The following CEP70 variants were observed in gnomAD, a reference collection of about 807,000 sequenced individuals.
CEP70 encodes the protein centrosomal protein 70.
In CEP70, 70 loss-of-function variants were observed where a neutral mutation model predicts 90.9. The ratio of observed to expected loss-of-function variants is 0.77; its 90% CI spans 0.64 to 0.94. CEP70 has a LOEUF of 0.94. CEP70 is among the 40% of genes least tolerant of loss of function. CEP70 has a pLI of 0.00. For synonymous variants in CEP70, 220 were observed against 228.3 expected (o/e 0.96, Z 0.33); for missense variants, 648 against 669.0 (o/e 0.97, Z 0.35).
rs770830737 is a variant in CEP70 at position 138,525,581 on chromosome 3, A to G, written c.870-17T>C. The G allele has an allele frequency of 8.5e-7, 1 of 1,182,280 alleles. No homozygotes were observed. The highest frequency in any genetic ancestry group is 2.8e-5 in the Admixed American group (1 of 35,814). 73.2% of individuals were successfully genotyped at this position (1,182,280 alleles called of 1,614,324 possible). ...TGCGTAGGCCTGTGGAAAATAAATA[A>G]TGATAAATTAATTCAATTTACTGAA... On this transcript the variant is annotated splice_polypyrimidine_tract_variant and intron_variant, in intron 10 of 17. Coordinates refer to ENST00000264982, the MANE Select transcript of CEP70 (RefSeq NM_024491.4).
At chr3:138,513,442 C>T (rs540300854) in intron 11 of CEP70, among the ~76,000 whole-genome samples, 1 of 152,224 alleles carries the variant, frequency 6.6e-6, no homozygotes, top group African/African-American at 2.4e-5. Context: ...TGACTCAGTA[C>T]TTTTCTACTC....
At position 138,532,569 on chromosome 3, in the gene CEP70, A is replaced by G. The variant is rs749866976; in HGVS notation, c.637T>C (p.Leu213=). 1 of 1,492,478 alleles carries G rather than the reference A, an allele frequency of 6.7e-7. No individual in the cohort carries two copies. Among genetic ancestry groups the G allele is most frequent in the East Asian group, 2.6e-5 (1 of 38,920 alleles). 92.5% of individuals were successfully genotyped at this position (1,492,478 alleles called of 1,614,324 possible). ...TCATAGTAATCAATTAGACAAAGCA[A>G]CCTAGAAAACAGAATATTGAATTAT... is the stretch of plus-strand genomic sequence containing the variant. ...RVPHTVLDRQ[L]LCLIDYYESK... Residue 213 remains leucine, a splice_region_variant and synonymous_variant, in exon 8 of 18, where the codon TTG becomes CTG. Transcript: ENST00000264982.
intron 11 of CEP70, among the ~76,000 whole-genome samples, chr3:138,512,833 T>TA (rs1019811720): frequency 4.6e-5 from 7 of 152,024 alleles, no homozygotes; most frequent in Admixed American, 6.6e-5. Context: ...AGGAACAAGT[T>TA]AAAAAAAAGG....
intron 6 of CEP70, among the ~76,000 whole-genome samples, chr3:138,564,876 G>T (rs1576855999): frequency 6.6e-6 from 1 of 152,080 alleles, no homozygotes; most frequent in Non-Finnish European, 1.5e-5. Flanking sequence ...GAAATAAAGG[G>T]TATTCAAATA....
At chr3:138,534,604 G>A (rs748915203) in intron 7 of CEP70, among the ~76,000 whole-genome samples, 1 of 152,206 alleles carries the variant, frequency 6.6e-6, no homozygotes, top group African/African-American at 2.4e-5. Flanking sequence ...GAGGAAGCAT[G>A]CAACACTGCC....
At chr3:138,544,883 C>T (rs560739575) in intron 6 of CEP70, among the ~76,000 whole-genome samples, 1 of 152,012 alleles carries the variant, frequency 6.6e-6, no homozygotes, top group South Asian at 2.1e-4. Flanking sequence ...GAGAGCAAAA[C>T]AGTGGTTAAC....
Position 138,505,473 on chromosome 3 carries a change from A to T in CEP70, c.1051-8T>A. The T allele has an allele frequency of 5.1e-6, 8 of 1,560,986 alleles. No homozygotes were observed. Among genetic ancestry groups the T allele is most frequent in the Non-Finnish European group, 6.0e-6 (7 of 1,157,994 alleles). ...ATTGATGCTACACAGCACCTTTAAA[A>T]AAACATAGTGTATATAGTCAAAATA... On this transcript the variant is annotated splice_region_variant and splice_polypyrimidine_tract_variant and intron_variant, in intron 12 of 17. Coordinates refer to ENST00000264982, the MANE Select transcript of CEP70 (RefSeq NM_024491.4).
intron 11 of CEP70, 119 bp from the exon 12 acceptor site, chr3:138,508,663 A>G (rs2035220502): frequency 1.4e-6 from 1 of 691,220 alleles, no homozygotes; most frequent in African/African-American, 1.8e-5. Flanking sequence ...CTTTACTTAT[A>G]TGTGTGTGTG....
At chr3:138,534,100 T>A (rs1402078587) in intron 7 of CEP70, among the ~76,000 whole-genome samples, 1 of 152,222 alleles carries the variant, frequency 6.6e-6, no homozygotes, top group Non-Finnish European at 1.5e-5. Flanking sequence ...TTTATAAACA[T>A]TTATTGCTTT....
intron 6 of CEP70, among the ~76,000 whole-genome samples, chr3:138,550,041 G>A (rs115986827): frequency 6.6e-4 from 100 of 152,248 alleles, no homozygotes; most frequent in African/African-American, 2.3e-3. Context: ...GGAACATCCC[G>A]TGGGACAAAA....
At chr3:138,570,269 G>A in intron 6 of CEP70, 49 bp downstream of exon 6, 1 of 1,230,348 alleles carries the variant, frequency 8.1e-7, no homozygotes, top group Non-Finnish European at 1.1e-6. Context: ...ACCATAATGA[G>A]CTGTTTTAGT....
intron 12 of CEP70, among the ~76,000 whole-genome samples, chr3:138,506,752 A>G (rs2035021628): frequency 6.6e-6 from 1 of 152,100 alleles, no homozygotes; most frequent in Non-Finnish European, 1.5e-5. Flanking sequence ...TTTGTTTTAT[A>G]TATTTATTTG....
chr3:138,503,278 T>C (rs1417683445), intron 13 of CEP70, among the ~76,000 whole-genome samples: 1 of 152,186 alleles, frequency 6.6e-6, no homozygotes, highest in Middle Eastern at 3.2e-3. Context: ...AAGTGGAATC[T>C]TCTTGTGACT....
chr3:138,564,849 C>A (rs1015065812), intron 6 of CEP70, among the ~76,000 whole-genome samples: 1 of 152,022 alleles, frequency 6.6e-6, no homozygotes, highest in Admixed American at 6.6e-5. Context: ...CTGGCCAGGG[C>A]AATCAGGCAA....
At chr3:138,544,538 T>TGTAC (rs1491303519) in intron 6 of CEP70, among the ~76,000 whole-genome samples, 65 of 148,548 alleles carry the variant, frequency 4.4e-4, no homozygotes, top group African/African-American at 1.6e-3. Flanking sequence ...TATGTATGTA[T>TGTAC]GTGTGTGTGT....
chr3:138,496,908 C>T (rs980981077), intron 17 of CEP70: 1 of 985,790 alleles, frequency 1.0e-6, no homozygotes, highest in Non-Finnish European at 1.2e-6. Context: ...GTTACCAGCA[C>T]ACCCTATTAA....
Position 138,568,843 on chromosome 3 carries a change from G to A in CEP70, c.465+1475C>T, listed in dbSNP as rs143742825. Among the ~76,000 whole-genome samples the A allele has an allele frequency of 4.3e-3, 657 of 152,108 alleles. 6 individuals carry two copies. The highest frequency in any genetic ancestry group is 0.041 in the Middle Eastern group (12 of 294). ...AAATACAAACAATTAGCCGGGCGTGGTGGTGCATGCCTGTAGTCCCAGCTA... is the reference window on the plus strand; with the variant it reads ...AAATACAAACAATTAGCCGGGCGTGATGGTGCATGCCTGTAGTCCCAGCTA... On this transcript the variant is annotated intron_variant, in intron 6 of 17. Transcript: ENST00000264982.
chr3:138,575,464 T>C (rs905964009), intron 2 of CEP70, among the ~76,000 whole-genome samples: 4 of 151,964 alleles, frequency 2.6e-5, no homozygotes, highest in African/African-American at 9.7e-5. Context: ...AAAGACCAAA[T>C]CTATGTCTGT....
At chr3:138,557,044 G>A (rs1239342772) in intron 6 of CEP70, among the ~76,000 whole-genome samples, 4 of 152,024 alleles carry the variant, frequency 2.6e-5, no homozygotes, top group African/African-American at 4.8e-5. Context: ...CTACAGTCTC[G>A]ACCATAGAAG....
Sources: gnomAD v4.1 joint callset for allele counts (sites outside exome capture counted in the v4.1 genomes callset) on GRCh38, gnomAD v4.1.1 for gene constraint, MANE v1.5 for transcripts, NCBI Gene and HGNC (gene_info 2026-07-23, HGNC 2026-07-21) for gene names.